CCDC178: variants seen among roughly 807,000 people sequenced by gnomAD.
CCDC178 encodes the protein coiled-coil domain containing 178, also known as coiled-coil domain-containing protein 178.
Under a neutral mutation model 117.4 loss-of-function variants are expected in CCDC178, and 126 were observed. The observed-to-expected ratio is 1.07, with a 90% CI of 0.93 to 1.24. CCDC178 has a LOEUF of 1.24. Among genes scored for constraint, CCDC178 ranks in the 50% most tolerant of loss-of-function variants. The pLI is 0.00. For missense variants in CCDC178, 1,030 were observed against 986.9 expected, an observed-to-expected ratio of 1.04 and a Z score of -0.59; for synonymous variants, 283 against 313.4, an observed-to-expected ratio of 0.90 and a Z score of 1.02.
intron 20 of CCDC178, among the ~76,000 whole-genome samples, chr18:33,160,764 G>A (rs151180571): frequency 1.5e-3 from 224 of 152,172 alleles, no homozygotes; most frequent in African/African-American, 5.2e-3. Flanking sequence ...AGGAGTCTGA[G>A]TCTTCAGCCA....
intron 20 of CCDC178, among the ~76,000 whole-genome samples, chr18:33,121,436 C>T (rs182658124): frequency 6.6e-6 from 1 of 152,164 alleles, no homozygotes; most frequent in African/African-American, 2.4e-5. Context: ...AACAAAAGAA[C>T]AAACATATAT....
intron 20 of CCDC178, among the ~76,000 whole-genome samples, chr18:33,104,334 G>T (rs1469799873): frequency 6.6e-6 from 1 of 151,654 alleles, no homozygotes; most frequent in Non-Finnish European, 1.5e-5. Flanking sequence ...GCCTCAATCA[G>T]AAAAATAAAG....
chr18:33,411,381 C>A (rs1348475670), intron 3 of CCDC178, among the ~76,000 whole-genome samples: 3 of 152,180 alleles, frequency 2.0e-5, no homozygotes, highest in Middle Eastern at 6.8e-3. Context: ...TTTCACAACT[C>A]CTTACAAATA....
chr18:33,197,580 T>TA (rs956225566), intron 20 of CCDC178, among the ~76,000 whole-genome samples: 4 of 147,204 alleles, frequency 2.7e-5, no homozygotes, highest in South Asian at 2.1e-4. Context: ...ACTGTAAAAT[T>TA]AAAAAAATGA....
At chr18:32,956,835 T>C (rs2144646079) in intron 22 of CCDC178, 1 of 152,288 alleles carries the variant, frequency 6.6e-6, no homozygotes, top group East Asian at 1.9e-4. Flanking sequence ...TCCCTGCTCA[T>C]AATATTAGAA....
chr18:33,364,763 A>T (rs2063177653), intron 6 of CCDC178, among the ~76,000 whole-genome samples: 2 of 150,220 alleles, frequency 1.3e-5, no homozygotes. Flanking sequence ...AAAGAAAGAA[A>T]TGAGCTGTAA....
intron 12 of CCDC178, among the ~76,000 whole-genome samples, chr18:33,292,758 T>C (rs934611741): frequency 2.0e-5 from 3 of 152,076 alleles, no homozygotes; most frequent in African/African-American, 7.2e-5. Flanking sequence ...TCTTCAGTTT[T>C]TGTTTTAATT....
intron 20 of CCDC178, among the ~76,000 whole-genome samples, chr18:33,102,157 A>T (rs1306324827): frequency 6.6e-6 from 1 of 151,780 alleles, no homozygotes; most frequent in Non-Finnish European, 1.5e-5. Flanking sequence ...AATTTAAAAA[A>T]ATTTTTCTAC....
chr18:33,408,674 T>C (rs2063812614), intron 3 of CCDC178, among the ~76,000 whole-genome samples: 1 of 152,284 alleles, frequency 6.6e-6, no homozygotes, highest in East Asian at 1.9e-4. Flanking sequence ...ACATGCAAAG[T>C]ATTTTCTATT....
At chr18:33,320,810 G>A (rs9962758) in intron 11 of CCDC178, among the ~76,000 whole-genome samples, 56 of 152,258 alleles carry the variant, frequency 3.7e-4, no homozygotes, top group African/African-American at 1.2e-3. Context: ...GAACAAAGCT[G>A]GAGGCATCAC....
chr18:33,356,390 A>T (rs1054089541), intron 6 of CCDC178, 44 bp from the exon 7 acceptor site: 2 of 1,420,444 alleles, frequency 1.4e-6, no homozygotes, highest in Non-Finnish European at 1.9e-6. Flanking sequence ...TCTTAAACAT[A>T]TTAAAAAACT....
At position 32,971,434 on chromosome 18, in the gene CCDC178, T is replaced by C. The variant is rs149500354; in HGVS notation, c.2523+3113A>G. Among the ~76,000 whole-genome samples the C allele has an allele frequency of 2.6e-3, 390 of 152,304 alleles. 2 individuals carry two copies. Among genetic ancestry groups the C allele is most frequent in the African/African-American group, 7.8e-3 (325 of 41,550 alleles). On this transcript the variant is annotated intron_variant, in intron 22 of 22. Coordinates refer to ENST00000383096, the MANE Select transcript of CCDC178 (RefSeq NM_001105528.4). ...TATCCAGTCTGTCACTGATGGCCATTTGGGCTGGTTCCAAGTCTTTGCTAT... is the reference window on the plus strand; with the variant it reads ...TATCCAGTCTGTCACTGATGGCCATCTGGGCTGGTTCCAAGTCTTTGCTAT...
intron 21 of CCDC178, among the ~76,000 whole-genome samples, chr18:33,083,137 G>A (rs1327484444): frequency 6.6e-6 from 1 of 152,152 alleles, no homozygotes; most frequent in Non-Finnish European, 1.5e-5. Context: ...CAGAAAAGCT[G>A]TATCAAGTAG....
chr18:33,325,409 T>C (rs903316333), intron 10 of CCDC178, among the ~76,000 whole-genome samples: 3 of 152,068 alleles, frequency 2.0e-5, no homozygotes, highest in African/African-American at 7.2e-5. Context: ...ACTGAAGAAT[T>C]CTTTGGCAAA....
At chr18:32,998,144 G>A (rs752742326) in intron 21 of CCDC178, among the ~76,000 whole-genome samples, 2 of 152,224 alleles carry the variant, frequency 1.3e-5, no homozygotes, top group African/African-American at 2.4e-5. Context: ...GCCATGTGGT[G>A]AAGAGAGATA....
chr18:33,146,357 T>C (rs1470819214), intron 20 of CCDC178, among the ~76,000 whole-genome samples: 1 of 152,192 alleles, frequency 6.6e-6, no homozygotes, highest in Non-Finnish European at 1.5e-5. Context: ...TAAAACAGCT[T>C]GATGGCAAAG....
intron 20 of CCDC178, among the ~76,000 whole-genome samples, chr18:33,179,119 T>A (rs1377474521): frequency 1.4e-4 from 14 of 97,826 alleles, no homozygotes; most frequent in Non-Finnish European, 3.1e-4. Context: ...AAACTATATA[T>A]ATATATATAA....
intron 5 of CCDC178, among the ~76,000 whole-genome samples, chr18:33,371,822 T>G (rs555229673): frequency 2.3e-5 from 2 of 87,400 alleles, no homozygotes; most frequent in Non-Finnish European, 5.3e-5. Context: ...CACACACATA[T>G]GTAATAGTCA....
At chr18:32,991,353 T>C (rs1235101137) in intron 21 of CCDC178, among the ~76,000 whole-genome samples, 3 of 152,116 alleles carry the variant, frequency 2.0e-5, no homozygotes, top group Non-Finnish European at 4.4e-5. Context: ...GGGGCCAGGA[T>C]AACTATGCCT....
Sources: allele counts gnomAD v4.1 joint callset (sites outside exome capture counted in the v4.1 genomes callset), GRCh38; gene constraint gnomAD v4.1.1; transcripts MANE v1.5; gene names NCBI Gene and HGNC (gene_info 2026-07-23, HGNC 2026-07-21).